UBTD2: variants seen among roughly 807,000 people sequenced by gnomAD.
UBTD2 encodes ubiquitin domain-containing protein 2.
Under a neutral mutation model 19.8 loss-of-function variants are expected in UBTD2, and 9 were observed. That is an observed-to-expected ratio of 0.46 (90% CI 0.27 to 0.79). The LOEUF (loss-of-function observed/expected upper bound fraction) is 0.79. Among genes scored for constraint, UBTD2 ranks in the 30% least tolerant of loss-of-function variants. The pLI is 0.14. For synonymous variants in UBTD2, 98 were observed against 103.9 expected (o/e 0.94, Z 0.35); for missense variants, 250 against 300.4 (o/e 0.83, Z 1.24).
intron 1 of UBTD2, among the ~76,000 whole-genome samples, chr5:172,263,663 G>A (rs543675636): frequency 1.6e-4 from 24 of 152,048 alleles, no homozygotes; most frequent in African/African-American, 5.3e-4. Context: ...GCACGGTGGC[G>A]GGCGCCTGTG....
intron 1 of UBTD2, among the ~76,000 whole-genome samples, chr5:172,260,350 A>G (rs1248009905): frequency 1.3e-5 from 2 of 152,096 alleles, no homozygotes; most frequent in Admixed American, 6.6e-5. Flanking sequence ...CTTCCTATAG[A>G]TAAGACTGTT....
At chr5:172,239,063 C>T (rs1772070179) in intron 1 of UBTD2, among the ~76,000 whole-genome samples, 1 of 149,864 alleles carries the variant, frequency 6.7e-6, no homozygotes, top group Admixed American at 6.7e-5. Context: ...ACATATATTC[C>T]CTTTACCTAA....
chr5:172,251,281 T>C (rs1427145924), intron 1 of UBTD2, among the ~76,000 whole-genome samples: 1 of 141,340 alleles, frequency 7.1e-6, no homozygotes, highest in African/African-American at 2.7e-5. Context: ...ATCACACCAC[T>C]GCACTCCAGC....
upstream of UBTD2, chr5:172,284,107 C>CGCCCGGAATCGCCGGAGAA (rs1288168313): frequency 1.3e-5 from 2 of 150,860 alleles, no homozygotes; most frequent in Non-Finnish European, 1.5e-5. Context: ...CGGCCCGGCC[C>CGCCCGGAATCGCCGGAGAA]GCCCGGAATC....
chr5:172,211,881 T>C lies in UBTD2; in HGVS notation c.654A>G (p.Val218=). The change falls in exon 3 of 3, where the codon GTA becomes GTG. Residue 218 remains valine, a synonymous_variant. Transcript: ENST00000393792. ...GCACAGGTTGGCTCACTATAACCTG[T>C]ACAACATAGTCCTTTGGGATCTTCA... The part of the protein sequence containing the change: ...EELKIPKDYV[V]QVIVSQPVQN... 2.5e-6 allele frequency: 4 copies of C among 1,614,208 alleles called. No individual in the cohort carries two copies. The highest frequency in any genetic ancestry group is 3.4e-6 in the Non-Finnish European group (4 of 1,180,036).
intron 1 of UBTD2, among the ~76,000 whole-genome samples, chr5:172,262,141 G>A (rs1376252393): frequency 6.6e-6 from 1 of 152,008 alleles, no homozygotes; most frequent in Non-Finnish European, 1.5e-5. Flanking sequence ...TAAAGTCAAA[G>A]GGTCTTTTTA....
chr5:172,227,753 G>A (rs1771800412), intron 2 of UBTD2, among the ~76,000 whole-genome samples: 1 of 139,250 alleles, frequency 7.2e-6, no homozygotes, highest in Non-Finnish European at 1.5e-5. Flanking sequence ...CGTCCAGGCT[G>A]GAGTACAACC....
At chr5:172,274,927 T>C (rs1478748100) in intron 1 of UBTD2, among the ~76,000 whole-genome samples, 7 of 152,100 alleles carry the variant, frequency 4.6e-5, no homozygotes, top group East Asian at 1.9e-4. Flanking sequence ...TCCCAGCTAC[T>C]TGGGAGGATG....
intron 1 of UBTD2, among the ~76,000 whole-genome samples, chr5:172,276,579 A>C (rs1056318661): frequency 1.3e-5 from 2 of 152,126 alleles, no homozygotes; most frequent in African/African-American, 4.8e-5. Context: ...TGAGCTGGAG[A>C]ATCAACTGGG....
At chr5:172,233,663 T>G (rs780296420) in intron 2 of UBTD2, among the ~76,000 whole-genome samples, 4 of 152,096 alleles carry the variant, frequency 2.6e-5, no homozygotes, top group Non-Finnish European at 5.9e-5. Flanking sequence ...ATAGGCTTGA[T>G]GAGAAAGTAT....
chr5:172,211,823 G>A lies in UBTD2; in HGVS notation c.*7C>T. 6.3e-7 allele frequency: 1 copy of A among 1,593,968 alleles called. No homozygotes were observed. The highest frequency in any genetic ancestry group is 8.6e-7 in the Non-Finnish European group (1 of 1,167,274). On this transcript the variant is annotated 3_prime_UTR_variant, in exon 3 of 3. Coordinates refer to ENST00000393792, the MANE Select transcript of UBTD2 (RefSeq NM_152277.3). ...AGGGATGTGGGAGCTGGCCAACAGG[G>A]CTCAGTTCAGTTCTCCACTGGTGTT... is the stretch of plus-strand genomic sequence containing the variant.
chr5:172,236,027 C>G (rs970648807), intron 1 of UBTD2, among the ~76,000 whole-genome samples: 7 of 152,232 alleles, frequency 4.6e-5, no homozygotes, highest in African/African-American at 1.7e-4. Context: ...CCTCATTGGC[C>G]CAGGGCCAGA....
At chr5:172,225,147 A>C (rs1161945257) in intron 2 of UBTD2, among the ~76,000 whole-genome samples, 3 of 151,898 alleles carry the variant, frequency 2.0e-5, no homozygotes, top group Non-Finnish European at 4.4e-5. Flanking sequence ...ACAGATGGCC[A>C]CCAGGCTAAA....
chr5:172,280,556 G>C (rs574987303), intron 1 of UBTD2, among the ~76,000 whole-genome samples: 15 of 151,440 alleles, frequency 9.9e-5, no homozygotes, highest in Admixed American at 9.2e-4. Flanking sequence ...TGTGGCTGAG[G>C]CCAGAGGACT....
At chr5:172,276,586 T>G (rs772504868) in intron 1 of UBTD2, among the ~76,000 whole-genome samples, 4 of 152,114 alleles carry the variant, frequency 2.6e-5, no homozygotes, top group Admixed American at 1.3e-4. Flanking sequence ...GAGAATCAAC[T>G]GGGGTGAAGA....
chr5:172,247,451 A>G (rs962434868), intron 1 of UBTD2, among the ~76,000 whole-genome samples: 3 of 152,106 alleles, frequency 2.0e-5, no homozygotes, highest in Non-Finnish European at 4.4e-5. Context: ...TGGGAGGTCA[A>G]AATAAAACTA....
chr5:172,223,617 A>AAAAAAAAAAAAAAAAG (rs1561850764), intron 2 of UBTD2, among the ~76,000 whole-genome samples: 1 of 129,282 alleles, frequency 7.7e-6, no homozygotes, highest in African/African-American at 3.0e-5. Context: ...AAAAAAAAAA[A>AAAAAAAAAAAAAAAAG]GCACACTTAG....
intron 1 of UBTD2, among the ~76,000 whole-genome samples, chr5:172,255,823 T>C (rs1755134998): frequency 6.6e-6 from 1 of 152,188 alleles, no homozygotes; most frequent in South Asian, 2.1e-4. Flanking sequence ...GCGCAGTGGC[T>C]CACGCCTGCA....
intron 1 of UBTD2, 110 bp from the exon 2 acceptor site, chr5:172,234,468 A>T (rs1581216804): frequency 1.1e-6 from 1 of 915,590 alleles, no homozygotes; most frequent in East Asian, 2.6e-5. Context: ...CACAGCCAGA[A>T]ATTTACCTGC....
Sources: allele counts gnomAD v4.1 joint callset (sites outside exome capture counted in the v4.1 genomes callset), GRCh38; gene constraint gnomAD v4.1.1; transcripts MANE v1.5; gene names NCBI Gene and HGNC (gene_info 2026-07-23, HGNC 2026-07-21).